Variants in ASAP1 observed in about 807,000 individuals in gnomAD.
ASAP1 encodes the protein arf-GAP with SH3 domain, ANK repeat and PH domain-containing protein 1.
In ASAP1, 43 loss-of-function variants were observed where a neutral mutation model predicts 145.2. The observed-to-expected ratio is 0.30, with a 90% confidence interval of 0.23 to 0.38. The LOEUF is 0.38. Among genes scored for constraint, ASAP1 ranks in the 10% least tolerant of loss-of-function variants. The pLI, the probability that ASAP1 is intolerant of heterozygous loss-of-function variation, is 1.00. For synonymous variants in ASAP1, 546 were observed against 515.5 expected (o/e 1.06, Z -0.80); for missense variants, 1,018 against 1,355.3 (o/e 0.75, Z 3.91).
chr8:130,301,744 C>T lies in ASAP1; in HGVS notation c.186+56273G>A, dbSNP rs143865586. On this transcript the variant is annotated intron_variant, in intron 3 of 29. Coordinates refer to ENST00000518721, the MANE Select transcript of ASAP1 (RefSeq NM_018482.4). ...CCTTTCTGTGTTGTTTTATATCATG[C>T]TGTTTTCCAGTTAATACAACACGAC... is the stretch of plus-strand genomic sequence containing the variant. 2.6e-5 allele frequency among the ~76,000 whole-genome samples: 4 copies of T among 152,320 alleles called. No individual in the cohort carries two copies. The East Asian group carries it at 7.7e-4, about 29-fold the overall frequency.
intron 3 of ASAP1, among the ~76,000 whole-genome samples, chr8:130,290,977 A>G (rs949337437): frequency 3.3e-5 from 5 of 152,198 alleles, no homozygotes; most frequent in Non-Finnish European, 7.4e-5. Context: ...TCCTCTTCTA[A>G]AACCAAATAA....
intron 24 of ASAP1, among the ~76,000 whole-genome samples, chr8:130,104,621 T>C (rs1264489516): frequency 3.9e-5 from 6 of 152,250 alleles, no homozygotes; most frequent in Non-Finnish European, 8.8e-5. Context: ...CTGGCAAGTA[T>C]ACCCTTTCTA....
chr8:130,358,468 G>T lies in ASAP1; in HGVS notation c.60-325C>A, dbSNP rs1033210719. 2.7e-5 allele frequency among the ~76,000 whole-genome samples: 4 copies of T among 148,306 alleles called. No homozygotes were observed. The highest frequency in any genetic ancestry group is 9.8e-5 in the African/African-American group (4 of 41,018). The stretch of plus-strand genomic sequence containing the variant: ...CAGCGGCGGGGGAGGGGACGCGGCT[G>T]CGCGCGGGGTCTTCGCGGGGGTCTG... On this transcript the variant is annotated intron_variant, in intron 2 of 29. Transcript: ENST00000518721. This position sits in a 1 kb window ranked among gnomAD's most constrained non-coding sequence, Gnocchi z 4.1.
chr8:130,172,636 A>G (rs1813665987), intron 9 of ASAP1, among the ~76,000 whole-genome samples: 1 of 152,232 alleles, frequency 6.6e-6, no homozygotes. Flanking sequence ...ACGTGTGGCC[A>G]ATGGGTACCA....
intron 3 of ASAP1, among the ~76,000 whole-genome samples, chr8:130,300,184 A>AGAGAGAGCGAGCGAGC (rs761456724): frequency 5.7e-5 from 8 of 140,352 alleles, no homozygotes; most frequent in African/African-American, 2.2e-4. Flanking sequence ...AGAGAGAGAG[A>AGAGAGAGCGAGCGAGC]GAGCGAGCGA....
chr8:130,134,328 G>A lies in ASAP1; in HGVS notation c.1185C>T (p.His395=), dbSNP rs541834792. The A allele has an allele frequency of 3.3e-5, 52 of 1,584,260 alleles. No individual in the cohort carries two copies. The South Asian group carries it at 5.3e-4, about 16-fold the overall frequency. ...AATCCTGCTCATCTTCTGCCTGAAAGTGATATGTTCTATTATCTAAAATAA... is the reference window on the plus strand; with the variant it reads ...AATCCTGCTCATCTTCTGCCTGAAAATGATATGTTCTATTATCTAAAATAA... ...FDLISHNRTY[H]FQAEDEQDYV... Residue 395 remains histidine (H), a synonymous_variant, in exon 15 of 30, where the codon CAC becomes CAT. Transcript: ENST00000518721.
intron 7 of ASAP1, among the ~76,000 whole-genome samples, chr8:130,182,831 C>G (rs74415666): frequency 1.4e-5 from 1 of 73,596 alleles, no homozygotes; most frequent in Non-Finnish European, 2.6e-5. Context: ...TATAAAAAGG[C>G]AAAAAAAAAA....
At chr8:130,281,989 C>G (rs757751418) in intron 3 of ASAP1, among the ~76,000 whole-genome samples, 1 of 151,610 alleles carries the variant, frequency 6.6e-6, no homozygotes, top group Admixed American at 6.6e-5. Flanking sequence ...ATAACTTGAA[C>G]CCGGGAGGTG....
chr8:130,438,216 A>G (rs1830382403), intron 1 of ASAP1, among the ~76,000 whole-genome samples: 1 of 152,166 alleles, frequency 6.6e-6, no homozygotes, highest in South Asian at 2.1e-4. Flanking sequence ...AGGACTTCAG[A>G]AATCTGGTAT....
chr8:130,331,741 A>T (rs1824704063), intron 3 of ASAP1, among the ~76,000 whole-genome samples: 1 of 152,196 alleles, frequency 6.6e-6, no homozygotes, highest in Non-Finnish European at 1.5e-5. Context: ...CAACATTAAA[A>T]ATACAAGCAA....
chr8:130,377,950 T>C (rs1586937370), intron 2 of ASAP1, among the ~76,000 whole-genome samples: 2 of 152,220 alleles, frequency 1.3e-5, no homozygotes, highest in Non-Finnish European at 2.9e-5. Context: ...CTATTTCCAG[T>C]GTGCTGTCTG....
chr8:130,338,454 G>A (rs957077392), intron 3 of ASAP1, among the ~76,000 whole-genome samples: 4 of 152,184 alleles, frequency 2.6e-5, no homozygotes, highest in Non-Finnish European at 4.4e-5. Flanking sequence ...GAAGATACGT[G>A]TCAGGTAAAT....
chr8:130,267,134 C>CA lies in ASAP1; in HGVS notation c.187-30141dup, dbSNP rs990415215. ...AACAAACAAACAAACAAAAAAAAAA[C>CA]AAAACAAAAAACAAAACAAAAAAAA... On this transcript the variant is annotated intron_variant, in intron 3 of 29. Transcript: ENST00000518721. Among the ~76,000 whole-genome samples, 182 of 106,530 alleles carry CA rather than the reference C, an allele frequency of 1.7e-3. 1 individual carries two copies. In the East Asian group the frequency reaches 0.046, roughly 27 times the overall value. The allele number at this position is 106,530 out of a possible 152,430, so 69.9% of individuals were successfully genotyped here. A position where few individuals can be genotyped will look rare whatever the true frequency, so the allele number is the denominator to read the frequency against.
At chr8:130,071,667 C>G (rs1447256763) in intron 27 of ASAP1, among the ~76,000 whole-genome samples, 1 of 152,162 alleles carries the variant, frequency 6.6e-6, no homozygotes, top group Non-Finnish European at 1.5e-5. Context: ...GACACTGCCT[C>G]TTAGCTCAAT....
At chr8:130,225,246 T>G (rs1181005566) in intron 4 of ASAP1, among the ~76,000 whole-genome samples, 1 of 152,228 alleles carries the variant, frequency 6.6e-6, no homozygotes, top group Non-Finnish European at 1.5e-5. Context: ...TGGTGTCCTT[T>G]GCCATGGAGA....
chr8:130,187,535 C>G (rs1384616382), intron 6 of ASAP1, among the ~76,000 whole-genome samples: 2 of 151,944 alleles, frequency 1.3e-5, no homozygotes, highest in African/African-American at 2.4e-5. Context: ...CCCACCTCAG[C>G]TTCCTGAGTA....
At chr8:130,438,246 C>A (rs985408000) in intron 1 of ASAP1, among the ~76,000 whole-genome samples, 1 of 152,186 alleles carries the variant, frequency 6.6e-6, no homozygotes, top group African/African-American at 2.4e-5. Flanking sequence ...CTCGCAGCAA[C>A]GTGGCTACAC....
intron 3 of ASAP1, among the ~76,000 whole-genome samples, chr8:130,261,948 G>T (rs950273791): frequency 1.3e-5 from 2 of 151,898 alleles, no homozygotes; most frequent in Admixed American, 6.6e-5. Flanking sequence ...ATGAACAAAA[G>T]GAATATGGTA....
At chr8:130,306,800 T>C (rs1370706197) in intron 3 of ASAP1, among the ~76,000 whole-genome samples, 3 of 152,234 alleles carry the variant, frequency 2.0e-5, no homozygotes, top group Non-Finnish European at 4.4e-5. Context: ...TGTATTTGTA[T>C]TCCCCATCTC....
Sources: allele counts gnomAD v4.1 joint callset (sites outside exome capture counted in the v4.1 genomes callset), GRCh38; gene constraint gnomAD v4.1.1; non-coding constraint Gnocchi (gnomAD v3.1); transcripts MANE v1.5; gene names NCBI Gene and HGNC (gene_info 2026-07-23, HGNC 2026-07-21).